SHLD2: variants seen among roughly 807,000 people sequenced by gnomAD.
SHLD2 encodes the protein shieldin complex subunit 2.
SHLD2 carries 30 observed loss-of-function variants against 73.2 expected under a neutral mutation model. That is an observed-to-expected ratio of 0.41 (90% CI 0.31 to 0.56). The LOEUF (loss-of-function observed/expected upper bound fraction) is 0.56. Ranked by LOEUF, SHLD2 falls within the 20% of genes least tolerant of loss-of-function variation. SHLD2 has a pLI of 0.28. For synonymous variants in SHLD2, 285 were observed against 370.1 expected, an observed-to-expected ratio of 0.77 and a Z score of 2.64; for missense variants, 745 against 1,055.9, an observed-to-expected ratio of 0.71 and a Z score of 4.08.
At chr10:87,101,914 T>G (rs887372611) in intron 2 of SHLD2, among the ~76,000 whole-genome samples, 4 of 152,120 alleles carry the variant, frequency 2.6e-5, no homozygotes, top group African/African-American at 9.7e-5. Flanking sequence ...TTTTGTATGC[T>G]TCAACCTTAC....
At position 87,135,012 on chromosome 10, in the gene SHLD2, GT is replaced by G. The variant is rs564920044; in HGVS notation, c.-5-16329del. Among the ~76,000 whole-genome samples the G allele has an allele frequency of 4.9e-3, 744 of 151,562 alleles. 4 individuals are homozygous for G. The highest frequency in any genetic ancestry group is 0.017 in the African/African-American group (706 of 41,362). ...TTAATGCAGAGATAGAGCTCCTACA[GT>G]TTTTTTTTCTTTCTTTTTTAAAATA... On this transcript the variant is annotated intron_variant, in intron 2 of 9. Transcript: ENST00000298786.
intron 2 of SHLD2, among the ~76,000 whole-genome samples, chr10:87,115,759 A>G (rs1331485996): frequency 6.6e-6 from 1 of 152,216 alleles, no homozygotes; most frequent in Non-Finnish European, 1.5e-5. Context: ...TTTCGTCAAC[A>G]TCAATGAATA....
At chr10:87,122,192 AAAG>A (rs1366011909) in intron 2 of SHLD2, among the ~76,000 whole-genome samples, 1 of 150,976 alleles carries the variant, frequency 6.6e-6, no homozygotes, top group Admixed American at 6.6e-5. Context: ...AAAAAAAAAA[AAAG>A]GCTACATTCA....
chr10:87,109,362 G>A (rs977186130), intron 2 of SHLD2, among the ~76,000 whole-genome samples: 4 of 150,186 alleles, frequency 2.7e-5, no homozygotes, highest in African/African-American at 4.9e-5. Flanking sequence ...GCAATGGCTC[G>A]ATCTCGGCTC....
At chr10:87,099,209 A>G (rs939083221) in intron 2 of SHLD2, among the ~76,000 whole-genome samples, 1 of 152,230 alleles carries the variant, frequency 6.6e-6, no homozygotes, top group African/African-American at 2.4e-5. Flanking sequence ...CTGGTTTAAA[A>G]TTCCAGGTCT....
rs183898800 is a variant in SHLD2, at chr10:87,178,782, T to A, written c.2171-1293T>A. Among the ~76,000 whole-genome samples the A allele has an allele frequency of 4.1e-4, 62 of 152,324 alleles. No individual in the cohort carries two copies. In the East Asian group the frequency reaches 0.011, roughly 27 times the overall value. The stretch of plus-strand genomic sequence containing the variant: ...GTCTTTGGAAAGATGTGGTATTGAA[T>A]CTTCTACAGTTTGTTACATATTCGA... On this transcript the variant is annotated intron_variant, in intron 7 of 9. Coordinates refer to ENST00000298786, the MANE Select transcript of SHLD2 (RefSeq NM_001330112.2).
At chr10:87,096,234 G>A (rs983762014) in intron 1 of SHLD2, among the ~76,000 whole-genome samples, 6 of 151,900 alleles carry the variant, frequency 3.9e-5, no homozygotes, top group Non-Finnish European at 7.4e-5. Flanking sequence ...TAGTAGAGAC[G>A]GGGTTTCGCT....
chr10:87,137,614 G>C (rs1391399575), intron 2 of SHLD2, among the ~76,000 whole-genome samples: 1 of 152,114 alleles, frequency 6.6e-6, no homozygotes, highest in Non-Finnish European at 1.5e-5. Flanking sequence ...GTTTCAGAAG[G>C]AGAGAAGAGA....
At chr10:87,103,039 G>A (rs143148157) in intron 2 of SHLD2, among the ~76,000 whole-genome samples, 9,368 of 151,618 alleles carry the variant, frequency 0.062, 603 homozygotes, top group African/African-American at 0.17. Context: ...GTGAAACCCC[G>A]TCTCTGCTAA....
In SHLD2 at chr10:87,152,709, G is replaced by A. The variant is rs576105427; in HGVS notation, c.1355G>A (p.Cys452Tyr). 1 of 1,611,700 alleles carries A rather than the reference G, an allele frequency of 6.2e-7. No individual in the cohort carries two copies. The highest frequency in any genetic ancestry group is 8.5e-7 in the Non-Finnish European group (1 of 1,179,782). The change falls in exon 3 of 10, where the codon TGC becomes TAC. Residue 452 changes from cysteine to tyrosine, a missense_variant. This residue lies in a region of SHLD2 where 418 missense variants were observed against 567.8 expected (regional missense o/e 0.74). Coordinates refer to ENST00000298786, the MANE Select transcript of SHLD2 (RefSeq NM_001330112.2). ...YNCLVMVLSP[C>Y]HVKEINIKFG... is the part of the protein sequence containing the mutation. ...TGTTTAGTCATGGTGCTATCTCCAT[G>A]CCATGTGAAGGAAATAAACATAAAA... is the stretch of plus-strand genomic sequence containing the variant.
chr10:87,154,783 TAATAA>T (rs900302764), intron 3 of SHLD2, among the ~76,000 whole-genome samples: 4 of 152,140 alleles, frequency 2.6e-5, no homozygotes, highest in African/African-American at 9.7e-5. Context: ...TGATTAAGCT[TAATAA>T]AATATCTAAA....
intron 2 of SHLD2, among the ~76,000 whole-genome samples, chr10:87,132,620 A>G (rs896623121): frequency 2.0e-5 from 3 of 152,050 alleles, no homozygotes; most frequent in African/African-American, 7.2e-5. Flanking sequence ...ACAAAAAATG[A>G]AAAATTAACC....
intron 2 of SHLD2, among the ~76,000 whole-genome samples, chr10:87,145,982 C>G (rs1391928867): frequency 6.6e-6 from 1 of 152,118 alleles, no homozygotes; most frequent in Non-Finnish European, 1.5e-5. Flanking sequence ...TTTTGTTTCC[C>G]CCTGCCCTTG....
chr10:87,158,994 C>T (rs1846626835), intron 4 of SHLD2, among the ~76,000 whole-genome samples: 1 of 152,034 alleles, frequency 6.6e-6, no homozygotes, highest in South Asian at 2.1e-4. Flanking sequence ...GTTGAACCTG[C>T]ACATAATGTA....
At chr10:87,190,370 T>C in intron 9 of SHLD2, 114 bp from the exon 10 acceptor site, 1 of 940,782 alleles carries the variant, frequency 1.1e-6, no homozygotes, top group Non-Finnish European at 1.7e-6. Flanking sequence ...GGAGGAGAAA[T>C]TTAAAATGGG....
intron 4 of SHLD2, among the ~76,000 whole-genome samples, chr10:87,169,910 A>G (rs1847469949): frequency 6.6e-6 from 1 of 152,176 alleles, no homozygotes; most frequent in African/African-American, 2.4e-5. Context: ...CAGCACTGTG[A>G]ATCTATAGTG....
intron 2 of SHLD2, among the ~76,000 whole-genome samples, chr10:87,147,983 G>C (rs1358811728): frequency 1.3e-5 from 2 of 151,544 alleles, no homozygotes; most frequent in African/African-American, 4.9e-5. Context: ...TCAGCCTCCT[G>C]AGTAGCTGGG....
At chr10:87,148,562 G>T (rs530964784) in intron 2 of SHLD2, among the ~76,000 whole-genome samples, 6 of 142,466 alleles carry the variant, frequency 4.2e-5, no homozygotes, top group South Asian at 4.4e-4. Flanking sequence ...AGTTTGTGGG[G>T]GGGCGGGGGT....
intron 2 of SHLD2, among the ~76,000 whole-genome samples, chr10:87,117,921 G>A (rs545176052): frequency 1.3e-4 from 20 of 152,296 alleles, no homozygotes; most frequent in Admixed American, 6.5e-4. Context: ...GAAAAAGTGG[G>A]TTCCATCATC....
Sources: allele counts gnomAD v4.1 joint callset (sites outside exome capture counted in the v4.1 genomes callset), GRCh38; gene constraint gnomAD v4.1.1; regional missense constraint gnomAD v4.1.1; transcripts MANE v1.5; gene names NCBI Gene and HGNC (gene_info 2026-07-23, HGNC 2026-07-21).